Variants in SLC25A43 observed in about 807,000 individuals in gnomAD.
SLC25A43 encodes the protein solute carrier family 25, member 43.
In SLC25A43, 10 loss-of-function variants were observed where a neutral mutation model predicts 22.8. The ratio of observed to expected loss-of-function variants is 0.44; its 90% confidence interval spans 0.27 to 0.74. The LOEUF (loss-of-function observed/expected upper bound fraction) is 0.74. Among genes scored for constraint, SLC25A43 ranks in the 30% least tolerant of loss-of-function variants. SLC25A43 has a pLI of 0.17. For synonymous variants in SLC25A43, 106 were observed against 121.6 expected, an observed-to-expected ratio of 0.87 and a Z score of 0.84; for missense variants, 233 against 279.1, an observed-to-expected ratio of 0.83 and a Z score of 1.18.
At position 119,399,603 on chromosome X, in the gene SLC25A43, C is replaced by T; in HGVS notation, c.200C>T (p.Ala67Val). ...GTGTGGCGGGCAGAGGGGCTCCGGG[C>T]CCTGTGGAAGGGGAACGCGGTGGCG... ...HRVWRAEGLR[A>V]LWKGNAVACL... is the part of the protein sequence containing the mutation. Residue 67 changes from alanine (A) to valine (V), a missense_variant, in exon 1 of 5, where the codon GCC becomes GTC. Transcript: ENST00000217909. 1 of 1,036,703 alleles carries T rather than the reference C, an allele frequency of 9.6e-7. No homozygotes were observed. Among genetic ancestry groups the T allele is most frequent in the Admixed American group, 4.4e-5 (1 of 22,659 alleles). The allele number at this position is 1,036,703 out of a possible 1,213,427, so 85.4% of individuals were successfully genotyped here.
intron 3 of SLC25A43, among the ~76,000 whole-genome samples, chrX:119,445,161 G>A (rs943401147): frequency 9.1e-5 from 10 of 109,507 alleles, no homozygotes; most frequent in South Asian, 3.9e-4. Context: ...CAGAAGATTC[G>A]CACTCTACCT....
At chrX:119,412,376 G>GT (rs1290075875) in intron 3 of SLC25A43, among the ~76,000 whole-genome samples, 2,648 of 100,957 alleles carry the variant, frequency 0.026, 27 homozygotes, top group Non-Finnish European at 0.038. Context: ...GACATTTGGT[G>GT]TTTTTTTTTT....
At chrX:119,410,980 T>C (rs975932490) in intron 3 of SLC25A43, among the ~76,000 whole-genome samples, 17 of 110,941 alleles carry the variant, frequency 1.5e-4, no homozygotes, top group Non-Finnish European at 3.0e-4. Context: ...ATTATATCAC[T>C]TGTGGCTCTC....
At position 119,410,271 on chromosome X, in the gene SLC25A43, C is replaced by T; in HGVS notation, c.599C>T (p.Ser200Phe). 8.3e-7 allele frequency: 1 copy of T among 1,210,221 alleles called. No homozygotes were observed. Among genetic ancestry groups the T allele is most frequent in the Non-Finnish European group, 1.1e-6 (1 of 894,357 alleles). ...KIWNGPRDQFSLPQNFANVCL... is the reference protein window; with the variant it reads ...KIWNGPRDQFFLPQNFANVCL... ...TGGAACGGACCCCGAGATCAGTTCT[C>T]TCTCCCACAGAACTTTGCTAATGTC... The change falls in exon 3 of 5, where the codon TCT (serine) becomes TTT (phenylalanine). Residue 200 changes from serine to phenylalanine, a missense_variant. Physicochemically the swap from Ser to Phe is radical, Grantham distance 155 (BLOSUM62 -2). Transcript: ENST00000217909.
At chrX:119,446,021 C>T (rs1398424770) in intron 3 of SLC25A43, among the ~76,000 whole-genome samples, 3 of 108,800 alleles carry the variant, frequency 2.8e-5, no homozygotes, top group Non-Finnish European at 5.7e-5. Context: ...GGTGTGGTGG[C>T]ATGCACCTGC....
intron 3 of SLC25A43, among the ~76,000 whole-genome samples, chrX:119,449,030 G>A (rs2052686333): frequency 9.0e-6 from 1 of 111,515 alleles, no homozygotes; most frequent in Admixed American, 9.6e-5. Flanking sequence ...GTCATTCTAA[G>A]GAGCTTAGAT....
At chrX:119,447,959 T>C (rs2052680134) in intron 3 of SLC25A43, among the ~76,000 whole-genome samples, 1 of 111,409 alleles carries the variant, frequency 9.0e-6, no homozygotes, top group African/African-American at 3.3e-5. Context: ...CATCTCCATT[T>C]GAATGGCTAA....
intron 3 of SLC25A43, among the ~76,000 whole-genome samples, chrX:119,425,432 A>G (rs187488759): frequency 1.3e-4 from 14 of 111,575 alleles, no homozygotes; most frequent in African/African-American, 3.9e-4. Flanking sequence ...ACAGAGTTCT[A>G]TTTGCCTAAC....
intron 1 of SLC25A43, among the ~76,000 whole-genome samples, chrX:119,404,269 G>A (rs377360155): frequency 9.0e-6 from 1 of 111,306 alleles, no homozygotes; most frequent in African/African-American, 3.3e-5. Flanking sequence ...CCAAAGTGCT[G>A]GGATTACAGG....
intron 3 of SLC25A43, among the ~76,000 whole-genome samples, chrX:119,411,832 C>T (rs763421722): frequency 1.3e-4 from 14 of 111,453 alleles, no homozygotes; most frequent in Non-Finnish European, 1.9e-4. Context: ...TGTTCACCTA[C>T]GTAACAAACC....
intron 3 of SLC25A43, among the ~76,000 whole-genome samples, chrX:119,449,427 A>G (rs866451848): frequency 7.5e-5 from 8 of 107,219 alleles, no homozygotes; most frequent in Non-Finnish European, 1.2e-4. Flanking sequence ...AAAAAAAAAA[A>G]AAGAAGAAGA....
At chrX:119,446,793 G>A (rs2052672285) in intron 3 of SLC25A43, among the ~76,000 whole-genome samples, 1 of 112,117 alleles carries the variant, frequency 8.9e-6, no homozygotes, top group South Asian at 3.7e-4. Context: ...GTCAGCTGCT[G>A]CTTAAGGCAC....
chrX:119,412,709 T>C (rs1223474641), intron 3 of SLC25A43, among the ~76,000 whole-genome samples: 1 of 112,433 alleles, frequency 8.9e-6, no homozygotes, highest in African/African-American at 3.2e-5. Flanking sequence ...TATGTGTTGT[T>C]GGTGGTGGTG....
intron 3 of SLC25A43, among the ~76,000 whole-genome samples, chrX:119,424,265 A>G (rs1303086737): frequency 9.0e-6 from 1 of 111,115 alleles, no homozygotes; most frequent in Non-Finnish European, 1.9e-5. Flanking sequence ...ACTACCACTT[A>G]TTGGTCACTT....
Position 119,433,235 on chromosome X carries a change from G to A in SLC25A43, c.691-18774G>A, listed in dbSNP as rs113646277. On this transcript the variant is annotated intron_variant, in intron 3 of 4. Coordinates refer to ENST00000217909, the MANE Select transcript of SLC25A43 (RefSeq NM_145305.3). ...TGGGTGACTAGGGAGAGTTGATGTC[G>A]CAGTTTAAATCTGAAGGGAGTCTGC... Among the ~76,000 whole-genome samples the A allele has an allele frequency of 6.0e-3, 677 of 112,190 alleles. 5 individuals are homozygous for A. Among genetic ancestry groups the A allele is most frequent in the African/African-American group, 0.02 (623 of 30,980 alleles).
chrX:119,403,392 C>T (rs1246053417), intron 1 of SLC25A43, among the ~76,000 whole-genome samples: 1 of 110,337 alleles, frequency 9.1e-6, no homozygotes. Context: ...CGGGTTCAAG[C>T]GATTCTCCTG....
At chrX:119,448,862 G>A (rs1213885139) in intron 3 of SLC25A43, among the ~76,000 whole-genome samples, 3 of 111,850 alleles carry the variant, frequency 2.7e-5, no homozygotes, top group Non-Finnish European at 5.6e-5. Context: ...TGTATCCTGA[G>A]TGTCGGGCAT....
intron 3 of SLC25A43, among the ~76,000 whole-genome samples, chrX:119,447,555 C>G (rs2052677797): frequency 9.0e-6 from 1 of 110,573 alleles, no homozygotes; most frequent in Admixed American, 9.7e-5. Flanking sequence ...CAATCCTCCC[C>G]CTATGGCCTC....
chrX:119,409,619 T>G (rs1348461118), intron 2 of SLC25A43, among the ~76,000 whole-genome samples: 2 of 109,074 alleles, frequency 1.8e-5, no homozygotes, highest in Non-Finnish European at 3.8e-5. Flanking sequence ...TATTTGTGTA[T>G]GGTTCTTTTT....
Sources: gnomAD v4.1 joint callset for allele counts (sites outside exome capture counted in the v4.1 genomes callset) on GRCh38, gnomAD v4.1.1 for gene constraint, MANE v1.5 for transcripts, NCBI Gene and HGNC (gene_info 2026-07-23, HGNC 2026-07-21) for gene names.